Variants in TMOD1 observed in about 807,000 individuals in gnomAD.
The protein encoded by TMOD1 is tropomodulin 1.
TMOD1 carries 17 observed loss-of-function variants against 40.6 expected under a neutral mutation model. The observed-to-expected ratio is 0.42, with a 90% CI of 0.29 to 0.63. TMOD1 has a LOEUF of 0.63. TMOD1 is among the 20% of genes least tolerant of loss of function. The probability of loss-of-function intolerance (pLI) is 0.22; values close to 1 mark genes in which losing one functional copy is unlikely to be tolerated. For missense variants in TMOD1, 391 were observed against 447.6 expected, an observed-to-expected ratio of 0.87 and a Z score of 1.14; for synonymous variants, 181 against 175.0, an observed-to-expected ratio of 1.03 and a Z score of -0.27.
chr9:97,567,877 C>G (rs986950799), intron 7 of TMOD1, among the ~76,000 whole-genome samples: 1 of 152,120 alleles, frequency 6.6e-6, no homozygotes, highest in Non-Finnish European at 1.5e-5. Flanking sequence ...ATTCCTGGCT[C>G]GGAGCATCAT....
rs1433826082 is a variant in TMOD1, at chr9:97,599,648, C to T, written c.1030C>T (p.Leu344Phe). ...NNNDLVRKRR[L>F]ADLTGPIIPK... ...TTCCTTTCCAGTGAGGAAGAGGAGG[C>T]TTGCGGACCTGACTGGGCCCATCAT... is the stretch of plus-strand genomic sequence containing the variant. The change falls in exon 10 of 10, where the codon CTT becomes TTT. Residue 344 changes from leucine (L) to phenylalanine (F), a missense_variant. Coordinates refer to ENST00000259365, the MANE Select transcript of TMOD1 (RefSeq NM_003275.4). The T allele has an allele frequency of 2.5e-6, 4 of 1,614,182 alleles. No homozygotes were observed. The highest frequency in any genetic ancestry group is 3.4e-6 in the Non-Finnish European group (4 of 1,180,018).
intron 2 of TMOD1, among the ~76,000 whole-genome samples, chr9:97,530,585 C>T (rs1830081886): frequency 6.6e-6 from 1 of 151,106 alleles, no homozygotes. Flanking sequence ...CCTCCCGGGT[C>T]CACGCCATTC....
rs569407147 is a variant in TMOD1 at position 97,562,632 on chromosome 9, C to T, written c.398-100C>T. Reference sequence around the variant, plus strand: ...AAGTTTTCATGCAAGTGTTTCTTGCCATTTCTGTGAGCCAGAGTTCCCGGG... The same window carrying T: ...AAGTTTTCATGCAAGTGTTTCTTGCTATTTCTGTGAGCCAGAGTTCCCGGG... On this transcript the variant is annotated intron_variant, in intron 4 of 9. Transcript: ENST00000259365. 45 of 778,750 alleles carry T rather than the reference C, an allele frequency of 5.8e-5. No individual in the cohort carries two copies. In the African/African-American group the frequency reaches 6.4e-4, roughly 11 times the overall value. The allele number at this position is 778,750 out of a possible 1,614,324, so 48.2% of individuals were successfully genotyped here. A position where few individuals can be genotyped will look rare whatever the true frequency, so the allele number is the denominator to read the frequency against.
intron 2 of TMOD1, among the ~76,000 whole-genome samples, chr9:97,545,629 C>T (rs929233834): frequency 6.6e-6 from 1 of 152,316 alleles, no homozygotes; most frequent in Admixed American, 6.5e-5. Context: ...CCTCTTAGCT[C>T]TGCAGGGCAC....
At chr9:97,563,901 A>AACC in intron 5 of TMOD1, 137 bp from the exon 6 acceptor site, 1 of 1,138,346 alleles carries the variant, frequency 8.8e-7, no homozygotes, top group Non-Finnish European at 1.2e-6. Flanking sequence ...GGTGCCCCCT[A>AACC]CCCCCACCCA....
At chr9:97,548,526 G>A (rs773036094) in intron 3 of TMOD1, among the ~76,000 whole-genome samples, 26 of 152,178 alleles carry the variant, frequency 1.7e-4, no homozygotes, top group South Asian at 4.1e-4. Context: ...GACACCTAGC[G>A]AGGTGAGTCA....
At chr9:97,597,914 A>G (rs1826148692) in intron 9 of TMOD1, among the ~76,000 whole-genome samples, 1 of 151,946 alleles carries the variant, frequency 6.6e-6, no homozygotes, top group Non-Finnish European at 1.5e-5. Flanking sequence ...TTTCTTCTGC[A>G]GGGAGAAGGA....
chr9:97,588,346 AATG>A (rs1825924033), intron 8 of TMOD1, among the ~76,000 whole-genome samples: 1 of 152,172 alleles, frequency 6.6e-6, no homozygotes, highest in African/African-American at 2.4e-5. Context: ...CTGAATTATT[AATG>A]ATGAGCACTT....
At chr9:97,568,378 A>G (rs1830765268) in intron 7 of TMOD1, among the ~76,000 whole-genome samples, 1 of 152,236 alleles carries the variant, frequency 6.6e-6, no homozygotes, top group Admixed American at 6.5e-5. Flanking sequence ...GAGGAATCCA[A>G]GGTCCACAAT....
intron 4 of TMOD1, among the ~76,000 whole-genome samples, chr9:97,559,739 TGTGCCACAGAG>T: frequency 1.5e-5 from 2 of 137,574 alleles, no homozygotes; most frequent in Non-Finnish European, 3.0e-5. Flanking sequence ...CACTCCAGCC[TGTGCCACAGAG>T]CGAGACTCCG....
chr9:97,553,304 A>T lies in TMOD1; in HGVS notation c.301A>T (p.Lys101Ter). ...KRGKVWVPKQ[K>*]PLDPVLESVT... ...AGGAAAGGTCTGGGTTCCTAAGCAGAAGCCACTGGATCCTGTGCTGGAAAG... is the reference window on the plus strand; with the variant it reads ...AGGAAAGGTCTGGGTTCCTAAGCAGTAGCCACTGGATCCTGTGCTGGAAAG... Residue 101 changes from lysine to a stop codon, truncating the protein, a stop_gained, in exon 4 of 10, where the codon AAG becomes TAG. Transcript: ENST00000259365. LOFTEE classifies it high-confidence loss of function. 1 of 1,614,200 alleles carries T rather than the reference A, an allele frequency of 6.2e-7. No individual in the cohort carries two copies. Among genetic ancestry groups the T allele is most frequent in the Non-Finnish European group, 8.5e-7 (1 of 1,180,034 alleles).
At chr9:97,555,523 A>G in intron 4 of TMOD1, 20 of 1,460,978 alleles carry the variant, frequency 1.4e-5, no homozygotes, top group Non-Finnish European at 1.7e-5. Context: ...GTGGCTATTT[A>G]TTGTTATCTG....
At chr9:97,552,268 A>AT (rs1320526768) in intron 3 of TMOD1, among the ~76,000 whole-genome samples, 1 of 152,084 alleles carries the variant, frequency 6.6e-6, no homozygotes, top group Non-Finnish European at 1.5e-5. Context: ...ATCTTAGGGG[A>AT]TCATTTCCTC....
intron 1 of TMOD1, among the ~76,000 whole-genome samples, chr9:97,521,559 T>G (rs1829916184): frequency 6.6e-6 from 1 of 152,174 alleles, no homozygotes; most frequent in Non-Finnish European, 1.5e-5. Context: ...CTGAGGGCCT[T>G]CAGGAAGGTT....
At chr9:97,504,422 C>T (rs1489676497) in intron 1 of TMOD1, among the ~76,000 whole-genome samples, 2 of 151,934 alleles carry the variant, frequency 1.3e-5, no homozygotes, top group Non-Finnish European at 2.9e-5. Flanking sequence ...GAACTGAGGA[C>T]AAGGAACAGA....
chr9:97,583,034 T>G (rs561548003), intron 8 of TMOD1, among the ~76,000 whole-genome samples: 1,824 of 149,410 alleles, frequency 0.012, 70 homozygotes, highest in African/African-American at 0.043. Flanking sequence ...CTTCCAACAC[T>G]ATGTTGAATA....
Position 97,599,738 on chromosome 9 carries a change from T to C in TMOD1, c.*40T>C. On this transcript the variant is annotated 3_prime_UTR_variant, in exon 10 of 10. Coordinates refer to ENST00000259365, the MANE Select transcript of TMOD1 (RefSeq NM_003275.4). ...GTCCATGCCTTTGAACTGGATGTGT[T>C]CTATTGATGACCTGTGCTCTGCAGG... 2 of 1,613,782 alleles carry C rather than the reference T, an allele frequency of 1.2e-6. No individual in the cohort carries two copies. The highest frequency in any genetic ancestry group is 1.7e-6 in the Non-Finnish European group (2 of 1,179,950).
At position 97,546,353 on chromosome 9, in the gene TMOD1, T is replaced by C; in HGVS notation, c.277+12T>C. The C allele has an allele frequency of 6.2e-7, 1 of 1,611,002 alleles. No individual in the cohort carries two copies. On this transcript the variant is annotated intron_variant, in intron 3 of 9. Transcript: ENST00000259365. The stretch of plus-strand genomic sequence containing the variant: ...AGGGGAAAAACGAGGTACTGAACAA[T>C]GTTACTGTTATAATATGCCACTCCC...
chr9:97,586,600 C>T (rs1463754955), intron 8 of TMOD1, among the ~76,000 whole-genome samples: 2 of 152,068 alleles, frequency 1.3e-5, no homozygotes, highest in African/African-American at 4.8e-5. Context: ...GCCCCTCCCC[C>T]AGCCTCGCTG....
Sources: allele counts gnomAD v4.1 joint callset (sites outside exome capture counted in the v4.1 genomes callset), GRCh38; gene constraint gnomAD v4.1.1; transcripts MANE v1.5; gene names NCBI Gene and HGNC (gene_info 2026-07-23, HGNC 2026-07-21).